The following PSG1 variants were observed in gnomAD, a reference collection of about 807,000 sequenced individuals.
PSG1 encodes the protein pregnancy-specific beta-1-glycoprotein 1.
PSG1 carries 60 observed loss-of-function variants against 41.4 expected under a neutral mutation model. That is an observed-to-expected ratio of 1.45 (90% CI 1.18 to 1.80). PSG1 has a LOEUF of 1.80. Ranked by LOEUF, PSG1 falls within the 40% of genes most tolerant of loss-of-function variation. PSG1 has a pLI of 0.00. For missense variants in PSG1, 806 were observed against 516.9 expected (o/e 1.56, Z -5.42); for synonymous variants, 256 against 192.9 (o/e 1.33, Z -2.71).
intron 2 of PSG1, among the ~76,000 whole-genome samples, chr19:42,873,782 A>G (rs766624374): frequency 6.6e-6 from 1 of 151,640 alleles, no homozygotes; most frequent in Non-Finnish European, 1.5e-5. Context: ...GATGTGTGTT[A>G]TGTTAGTAAA....
Position 42,868,340 on chromosome 19 carries a change from G to A in PSG1, c.1004C>T (p.Pro335Leu). The change falls in exon 5 of 6, where the codon CCC becomes CTC. Residue 335 changes from proline (P) to leucine (L), a missense_variant. Coordinates refer to ENST00000436291, the MANE Select transcript of PSG1 (RefSeq NM_001184825.2). Reference sequence around the variant, plus strand: ...ATAGGTGAATGAAGGGTAAATTCTGGGGAGGTCTGGACCATCTGGAGCAAA... The same window carrying A: ...ATAGGTGAATGAAGGGTAAATTCTGAGGAGGTCTGGACCATCTGGAGCAAA... ...TLNVLYGPDLPRIYPSFTYYR... is the reference protein window; with the variant it reads ...TLNVLYGPDLLRIYPSFTYYR... The A allele has an allele frequency of 2.5e-6, 4 of 1,610,904 alleles. No homozygotes were observed. Among genetic ancestry groups the A allele is most frequent in the Non-Finnish European group, 3.4e-6 (4 of 1,178,240 alleles).
Position 42,868,995 on chromosome 19 carries a change from T to A in PSG1, c.749A>T (p.Asn250Ile). The A allele has an allele frequency of 6.2e-7, 1 of 1,610,370 alleles. No individual in the cohort carries two copies. Among genetic ancestry groups the A allele is most frequent in the Non-Finnish European group, 8.5e-7 (1 of 1,178,968 alleles). Residue 250 changes from asparagine to isoleucine, a missense_variant, in exon 4 of 6, where the codon AAC becomes ATC. Asn to Ile is a moderately radical substitution (Grantham distance 149, BLOSUM62 -3). Coordinates refer to ENST00000436291, the MANE Select transcript of PSG1 (RefSeq NM_001184825.2). ...PKPYITINNL[N>I]PRENKDVLNF... The stretch of plus-strand genomic sequence containing the variant: ...TAAGACATCCTTATTCTCCCTGGGG[T>A]TTAAGTTGTTGATGGTGATGTAGGG...
chr19:42,877,831 G>A (rs949755541), intron 2 of PSG1, 82 bp downstream of exon 2: 3 of 1,607,186 alleles, frequency 1.9e-6, no homozygotes, highest in Non-Finnish European at 2.6e-6. Context: ...CACAGGCAGA[G>A]TCCAGGCCTG....
rs775594209 is a variant in PSG1 at position 42,868,195 on chromosome 19, A to T, written c.1149T>A (p.His383Gln). The T allele has an allele frequency of 8.1e-6, 13 of 1,612,276 alleles. No homozygotes were observed. Among genetic ancestry groups the T allele is most frequent in the South Asian group, 2.2e-5 (2 of 90,830 alleles). ...AGAGCCCGCTATGCTTTGTAGTAATATGGCGGATAAAGAGCTTTTGTCCTG... is the reference window on the plus strand; with the variant it reads ...AGAGCCCGCTATGCTTTGTAGTAATTTGGCGGATAAAGAGCTTTTGTCCTG... ...QLPGQKLFIR[H>Q]ITTKHSGLYV... The change falls in exon 5 of 6, where the codon CAT becomes CAA. Residue 383 changes from histidine (H) to glutamine (Q), a missense_variant. Physicochemically the swap from His to Gln is conservative, Grantham distance 24 (BLOSUM62 0). Transcript: ENST00000436291.
chr19:42,867,913 G>A, intron 5 of PSG1, 188 bp downstream of exon 5: 1 of 1,504,100 alleles, frequency 6.6e-7, no homozygotes, highest in Non-Finnish European at 9.0e-7. Flanking sequence ...ATATTATGAA[G>A]ATATCAGCCT....
At chr19:42,873,896 C>T (rs1240321158) in intron 2 of PSG1, among the ~76,000 whole-genome samples, 1 of 151,624 alleles carries the variant, frequency 6.6e-6, no homozygotes. Flanking sequence ...CTCTTAAGCT[C>T]AGGAAACACC....
In PSG1 at chr19:42,874,593, G is replaced by A. The variant is rs529222659; in HGVS notation, c.431-2548C>T. ...TATCTCTTGACCTTGTGCCCGCCTCGGCCTCCCAAAGTGCTGGGATTATAG... is the reference window on the plus strand; with the variant it reads ...TATCTCTTGACCTTGTGCCCGCCTCAGCCTCCCAAAGTGCTGGGATTATAG... On this transcript the variant is annotated intron_variant, in intron 2 of 5. Coordinates refer to ENST00000436291, the MANE Select transcript of PSG1 (RefSeq NM_001184825.2). Among the ~76,000 whole-genome samples the A allele has an allele frequency of 2.2e-4, 34 of 151,776 alleles. 1 individual carries two copies. The highest frequency in any genetic ancestry group is 7.7e-4 in the African/African-American group (32 of 41,402).
In PSG1 at chr19:42,872,319, C is replaced by T. The variant is rs371171827; in HGVS notation, c.431-274G>A. Among the ~76,000 whole-genome samples, 12 of 151,732 alleles carry T rather than the reference C, an allele frequency of 7.9e-5. No individual in the cohort carries two copies. In the East Asian group the frequency reaches 1.4e-3, roughly 17 times the overall value. On this transcript the variant is annotated intron_variant, in intron 2 of 5. Coordinates refer to ENST00000436291, the MANE Select transcript of PSG1 (RefSeq NM_001184825.2). ...AAAGACACAGGACCAGCAGTCACAG[C>T]CCCTGGTGCCTCTGTGTGTCCCTCC...
chr19:42,869,054 A>G lies in PSG1; in HGVS notation c.710-20T>C, dbSNP rs776514448. 1.9e-6 allele frequency: 3 copies of G among 1,599,728 alleles called. No homozygotes were observed. Among genetic ancestry groups the G allele is most frequent in the Non-Finnish European group, 2.6e-6 (3 of 1,173,254 alleles). ...GCTTCGCTGTGTGGATAACAGAGAG[A>G]AGATTGTCCTGTGTGGCACCTTTGA... On this transcript the variant is annotated intron_variant, in intron 3 of 5. Coordinates refer to ENST00000436291, the MANE Select transcript of PSG1 (RefSeq NM_001184825.2).
At position 42,873,082 on chromosome 19, in the gene PSG1, G is replaced by A. The variant is rs1008883765; in HGVS notation, c.431-1037C>T. Among the ~76,000 whole-genome samples the A allele has an allele frequency of 2.6e-5, 4 of 151,678 alleles. 1 individual carries two copies. The highest frequency in any genetic ancestry group is 5.9e-5 in the Non-Finnish European group (4 of 67,888). ...AGTAGAATAGTAGTTTGCAGGAGCT[G>A]GGATCAGGGGAATAGGGTGTTGTTC... On this transcript the variant is annotated intron_variant, in intron 2 of 5. Transcript: ENST00000436291.
rs371831005 is a variant in PSG1, at chr19:42,878,280, T to C, written c.65-2A>G. 3.7e-5 allele frequency: 60 copies of C among 1,603,204 alleles called. 5 individuals carry two copies. The highest frequency in any genetic ancestry group is 5.0e-5 in the Non-Finnish European group (59 of 1,174,978). On this transcript the variant is annotated splice_acceptor_variant, in intron 1 of 5. Coordinates refer to ENST00000436291, the MANE Select transcript of PSG1 (RefSeq NM_001184825.2). LOFTEE classifies it high-confidence loss of function. ...GGTTCCAGAAGTTTAAAAGTGATGC[T>C]AGGAGGTGGAGAGAACATCAGTCAA... is the stretch of plus-strand genomic sequence containing the variant.
chr19:42,879,134 C>T (rs1055317119), intron 1 of PSG1, among the ~76,000 whole-genome samples: 1 of 148,892 alleles, frequency 6.7e-6, no homozygotes. Flanking sequence ...CCAACAGAGC[C>T]TTCTTTCCTT....
At chr19:42,876,986 TC>T (rs1404385477) in intron 2 of PSG1, among the ~76,000 whole-genome samples, 1 of 151,598 alleles carries the variant, frequency 6.6e-6, no homozygotes, top group Non-Finnish European at 1.5e-5. Context: ...CACTGTGCCT[TC>T]CTGTGCCTCA....
In PSG1 at chr19:42,871,862, A is replaced by G; in HGVS notation, c.614T>C (p.Leu205Ser). 1 of 1,612,480 alleles carries G rather than the reference A, an allele frequency of 6.2e-7. No individual in the cohort carries two copies. The highest frequency in any genetic ancestry group is 8.5e-7 in the Non-Finnish European group (1 of 1,179,220). ...LSETNRTLFLLGVTKYTAGPY... is the reference protein window; with the variant it reads ...LSETNRTLFLSGVTKYTAGPY... ...TCCTGCAGTATACTTTGTGACACCC[A>G]ATAGAAAGAGGGTCCTGTTGGTTTC... is the stretch of plus-strand genomic sequence containing the variant. Residue 205 changes from leucine (L) to serine (S), a missense_variant, in exon 3 of 6, where the codon TTG becomes TCG. By Grantham distance (145) the Leu-to-Ser change is moderately radical. Coordinates refer to ENST00000436291, the MANE Select transcript of PSG1 (RefSeq NM_001184825.2).
intron 5 of PSG1, 183 bp downstream of exon 5, chr19:42,867,918 C>A: frequency 6.6e-7 from 1 of 1,518,058 alleles, no homozygotes; most frequent in Non-Finnish European, 8.9e-7. Flanking sequence ...ATGAAGATAT[C>A]AGCCTGTTTG....
intron 2 of PSG1, among the ~76,000 whole-genome samples, chr19:42,875,048 G>C (rs1177719690): frequency 6.6e-6 from 1 of 151,656 alleles, no homozygotes; most frequent in Non-Finnish European, 1.5e-5. Flanking sequence ...TGAGCCCATG[G>C]GGTTTGGGGA....
intron 2 of PSG1, 121 bp from the exon 3 acceptor site, chr19:42,872,166 G>A: frequency 3.6e-6 from 5 of 1,387,980 alleles, no homozygotes; most frequent in Non-Finnish European, 4.9e-6. Context: ...AAAGCCCATG[G>A]CAGGTGTGTG....
At position 42,866,725 on chromosome 19, in the gene PSG1, T is replaced by G; in HGVS notation, c.*409A>C. On this transcript the variant is annotated 3_prime_UTR_variant, in exon 6 of 6. Coordinates refer to ENST00000436291, the MANE Select transcript of PSG1 (RefSeq NM_001184825.2). Reference sequence around the variant, plus strand: ...CCCCCTGAGATGTTATGTAAAAGTTTGAGGTTGAGATGACATATCTGACAC... The same window carrying G: ...CCCCCTGAGATGTTATGTAAAAGTTGGAGGTTGAGATGACATATCTGACAC... 1 of 417,084 alleles carries G rather than the reference T, an allele frequency of 2.4e-6. No homozygotes were observed. 25.8% of individuals were successfully genotyped at this position (417,084 alleles called of 1,614,324 possible).
At position 42,878,852 on chromosome 19, in the gene PSG1, G is replaced by C. The variant is rs148223838; in HGVS notation, c.65-574C>G. ...GCTGCAGACTCCTGTAGATGTGAGA[G>C]TTCTCAGGGCCCTCCATGCCCTGGG... On this transcript the variant is annotated intron_variant, in intron 1 of 5. Transcript: ENST00000436291. Among the ~76,000 whole-genome samples, 993 of 151,636 alleles carry C rather than the reference G, an allele frequency of 6.5e-3. 70 individuals carry two copies. The East Asian group carries it at 0.11, about 17-fold the overall frequency.
Sources: allele counts gnomAD v4.1 joint callset (sites outside exome capture counted in the v4.1 genomes callset), GRCh38; gene constraint gnomAD v4.1.1; transcripts MANE v1.5; gene names NCBI Gene and HGNC (gene_info 2026-07-23, HGNC 2026-07-21).